CNTNAP2: variants seen among roughly 807,000 people sequenced by gnomAD.
CNTNAP2 encodes contactin associated protein 2, also known as contactin-associated protein-like 2.
In CNTNAP2, 98 loss-of-function variants were observed where a neutral mutation model predicts 155.2. That is an observed-to-expected ratio of 0.63 (90% confidence interval 0.54 to 0.75). The LOEUF is 0.75. Ranked by LOEUF, CNTNAP2 falls within the 30% of genes least tolerant of loss-of-function variation. The pLI is 0.00. For synonymous variants in CNTNAP2, 651 were observed against 631.2 expected (o/e 1.03, Z -0.47); for missense variants, 1,727 against 1,688.1 (o/e 1.02, Z -0.40).
chr7:146,759,681 C>CAAA (rs376817827), intron 1 of CNTNAP2, among the ~76,000 whole-genome samples: 4 of 54,650 alleles, frequency 7.3e-5, no homozygotes, highest in African/African-American at 1.2e-4. Context: ...GTGAGACTGT[C>CAAA]AAAAAAAAAA....
chr7:147,617,574 G>A (rs545785711), intron 12 of CNTNAP2, among the ~76,000 whole-genome samples: 15 of 152,042 alleles, frequency 9.9e-5, no homozygotes, highest in South Asian at 2.1e-4. Context: ...AATGAGTGCC[G>A]TGCTGTGAGA....
chr7:148,134,290 A>G (rs1159106952), intron 16 of CNTNAP2, among the ~76,000 whole-genome samples: 3 of 152,174 alleles, frequency 2.0e-5, no homozygotes, highest in Non-Finnish European at 2.9e-5. Context: ...GGTAAGTGTA[A>G]CCAGAGCCAG....
Position 148,405,959 on chromosome 7 carries a change from G to A in CNTNAP2, c.3716-3432G>A, listed in dbSNP as rs576808553. The stretch of plus-strand genomic sequence containing the variant: ...ATTATTTAAAGAAGGTCGGCCGGGC[G>A]CGGTGGCTCACGCCTGTAATCCCAG... On this transcript the variant is annotated intron_variant, in intron 22 of 23. Coordinates refer to ENST00000361727, the MANE Select transcript of CNTNAP2 (RefSeq NM_014141.6). 4.6e-5 allele frequency among the ~76,000 whole-genome samples: 7 copies of A among 152,138 alleles called. No individual in the cohort carries two copies. In the East Asian group the frequency reaches 5.8e-4, roughly 13 times the overall value.
chr7:146,602,245 G>A (rs1236074377), intron 1 of CNTNAP2, among the ~76,000 whole-genome samples: 1 of 152,146 alleles, frequency 6.6e-6, no homozygotes, highest in East Asian at 1.9e-4. Flanking sequence ...TTAAGGATGA[G>A]TTTTTGGCGG....
intron 10 of CNTNAP2, among the ~76,000 whole-genome samples, chr7:147,429,881 T>A (rs1311841755): frequency 6.6e-6 from 1 of 152,126 alleles, no homozygotes; most frequent in Non-Finnish European, 1.5e-5. Context: ...AATATTTGGC[T>A]TTTTTTCTGG....
At position 147,510,656 on chromosome 7, in the gene CNTNAP2, C is replaced by T. The variant is rs961617029; in HGVS notation, c.1777+24615C>T. 6.0e-5 allele frequency among the ~76,000 whole-genome samples: 9 copies of T among 150,884 alleles called. No individual in the cohort carries two copies. The South Asian group carries it at 1.7e-3, about 28-fold the overall frequency. ...AAAAATCTCCAAAAGTTTAATGGTT[C>T]ATAAGTACACTCATAAATTTTGAAT... On this transcript the variant is annotated intron_variant, in intron 11 of 23. Transcript: ENST00000361727.
intron 14 of CNTNAP2, among the ~76,000 whole-genome samples, chr7:147,936,169 T>C (rs1800603283): frequency 6.6e-6 from 1 of 152,196 alleles, no homozygotes; most frequent in African/African-American, 2.4e-5. Context: ...ATTAGCAACT[T>C]ACATTAAAAG....
chr7:146,259,973 C>G (rs1044476865), intron 1 of CNTNAP2, among the ~76,000 whole-genome samples: 1 of 152,300 alleles, frequency 6.6e-6, no homozygotes, highest in East Asian at 1.9e-4. Context: ...AAATAGTTTC[C>G]TGGGCCAAGC....
chr7:147,317,804 G>A (rs10254231), intron 9 of CNTNAP2, among the ~76,000 whole-genome samples: 3 of 72,390 alleles, frequency 4.1e-5, no homozygotes, highest in African/African-American at 1.8e-4. Context: ...GTGTGTATAT[G>A]TATATATATG....
In CNTNAP2 at chr7:146,354,992, G is replaced by A. The variant is rs138117109; in HGVS notation, c.97+238019G>A. ...CTTGGCAGTGGTACAAGTCAACATGGTTGTATGTGTCAGTTTTGTTACATA... is the reference window on the plus strand; with the variant it reads ...CTTGGCAGTGGTACAAGTCAACATGATTGTATGTGTCAGTTTTGTTACATA... On this transcript the variant is annotated intron_variant, in intron 1 of 23. Coordinates refer to ENST00000361727, the MANE Select transcript of CNTNAP2 (RefSeq NM_014141.6). Among the ~76,000 whole-genome samples, 24 of 152,304 alleles carry A rather than the reference G, an allele frequency of 1.6e-4. No homozygotes were observed. In the East Asian group the frequency reaches 4.6e-3, roughly 29 times the overall value.
At chr7:146,640,269 T>G (rs1188709768) in intron 1 of CNTNAP2, among the ~76,000 whole-genome samples, 3 of 152,238 alleles carry the variant, frequency 2.0e-5, no homozygotes, top group East Asian at 1.9e-4. Flanking sequence ...TGAACGCTGA[T>G]GTGAATCCCA....
chr7:148,066,670 T>C (rs1803272319), intron 15 of CNTNAP2, among the ~76,000 whole-genome samples: 4 of 151,980 alleles, frequency 2.6e-5, no homozygotes, highest in Admixed American at 2.0e-4. Context: ...GCTAATTTTT[T>C]TGTATTTTTA....
intron 21 of CNTNAP2, among the ~76,000 whole-genome samples, chr7:148,361,223 C>G (rs1206652040): frequency 6.6e-6 from 1 of 152,184 alleles, no homozygotes; most frequent in Admixed American, 6.5e-5. Flanking sequence ...AACTAAGTCT[C>G]TCATTTAAAA....
intron 8 of CNTNAP2, among the ~76,000 whole-genome samples, chr7:147,215,057 C>T (rs1803236303): frequency 6.6e-6 from 1 of 151,994 alleles, no homozygotes; most frequent in Admixed American, 6.5e-5. Context: ...GAAACTACCC[C>T]CATGATCCAA....
intron 1 of CNTNAP2, among the ~76,000 whole-genome samples, chr7:146,126,851 G>A (rs1361381139): frequency 6.6e-6 from 1 of 152,050 alleles, no homozygotes; most frequent in Non-Finnish European, 1.5e-5. Flanking sequence ...AATATTTCTT[G>A]TATCCATCCG....
chr7:147,403,527 C>G (rs1232514317), intron 10 of CNTNAP2, among the ~76,000 whole-genome samples: 1 of 152,170 alleles, frequency 6.6e-6, no homozygotes, highest in Non-Finnish European at 1.5e-5. Flanking sequence ...CAGACAGTAC[C>G]TCCTGGGACT....
intron 13 of CNTNAP2, among the ~76,000 whole-genome samples, chr7:147,716,009 G>T (rs1225170769): frequency 6.6e-6 from 1 of 152,048 alleles, no homozygotes; most frequent in East Asian, 1.9e-4. Flanking sequence ...AAAACTAATT[G>T]GGTATAATTA....
intron 21 of CNTNAP2, among the ~76,000 whole-genome samples, chr7:148,304,188 T>C (rs529811099): frequency 6.1e-4 from 93 of 152,290 alleles, no homozygotes; most frequent in African/African-American, 2.0e-3. Context: ...GGAAATTAGA[T>C]TGTAAGCAAA....
intron 3 of CNTNAP2, among the ~76,000 whole-genome samples, chr7:146,855,762 A>C (rs1794967664): frequency 6.7e-6 from 1 of 148,656 alleles, no homozygotes; most frequent in African/African-American, 2.5e-5. Context: ...GAATGAGAGA[A>C]GACAAGAATG....
Sources: gnomAD v4.1 joint callset for allele counts (sites outside exome capture counted in the v4.1 genomes callset) on GRCh38, gnomAD v4.1.1 for gene constraint, MANE v1.5 for transcripts, NCBI Gene and HGNC (gene_info 2026-07-23, HGNC 2026-07-21) for gene names.